The following SNTG1 variants were observed in gnomAD, a reference collection of about 807,000 sequenced individuals.
SNTG1 encodes syntrophin gamma 1.
A neutral mutation model predicts 74.7 loss-of-function variants in SNTG1; 39 were observed. That is an observed-to-expected ratio of 0.52 (90% CI 0.40 to 0.68). The LOEUF is 0.68. SNTG1 is among the 30% of genes least tolerant of loss of function. The probability of loss-of-function intolerance (pLI) is 0.00; values close to 1 mark genes in which losing one functional copy is unlikely to be tolerated. For missense variants in SNTG1, 685 were observed against 609.5 expected (o/e 1.12, Z -1.30); for synonymous variants, 254 against 217.1 (o/e 1.17, Z -1.49).
chr8:50,346,511 T>G (rs2091481476), intron 2 of SNTG1, among the ~76,000 whole-genome samples: 1 of 152,224 alleles, frequency 6.6e-6, no homozygotes, highest in Admixed American at 6.5e-5. Flanking sequence ...AACTCCACAA[T>G]GGCCTCCTAG....
intron 9 of SNTG1, among the ~76,000 whole-genome samples, chr8:50,524,716 GC>G (rs1204240116): frequency 6.6e-6 from 1 of 152,022 alleles, no homozygotes; most frequent in Non-Finnish European, 1.5e-5. Flanking sequence ...GGTATTATAT[GC>G]AATCTGGAGA....
intron 13 of SNTG1, among the ~76,000 whole-genome samples, chr8:50,655,502 A>G (rs1585975874): frequency 6.6e-6 from 1 of 152,224 alleles, no homozygotes; most frequent in Non-Finnish European, 1.5e-5. Context: ...AGAGCAAGGC[A>G]TCTTGGTTCA....
intron 15 of SNTG1, among the ~76,000 whole-genome samples, chr8:50,695,712 G>T (rs541951687): frequency 7.9e-4 from 120 of 151,692 alleles, no homozygotes; most frequent in African/African-American, 2.9e-3. Context: ...TATAAGTAAG[G>T]ATCTACAGTA....
At chr8:50,073,536 G>A (rs1020716323) in intron 1 of SNTG1, among the ~76,000 whole-genome samples, 4 of 152,064 alleles carry the variant, frequency 2.6e-5, no homozygotes, top group Non-Finnish European at 4.4e-5. Context: ...CATGAGTTCT[G>A]AATGTTATTA....
intron 2 of SNTG1, among the ~76,000 whole-genome samples, chr8:50,268,998 G>A (rs2087631226): frequency 6.6e-6 from 1 of 152,072 alleles, no homozygotes; most frequent in South Asian, 2.1e-4. Context: ...TTTTATGGAA[G>A]GTAGGGTGGC....
chr8:50,372,295 C>T lies in SNTG1; in HGVS notation c.-27-21917C>T, dbSNP rs553605305. On this transcript the variant is annotated intron_variant, in intron 2 of 18. Transcript: ENST00000642720. ...TGCATCTTCTATAGTTATTTTTTTT[C>T]GGGTTACCATGGATCTAACATAAAA... Among the ~76,000 whole-genome samples the T allele has an allele frequency of 4.2e-4, 64 of 150,616 alleles. 1 individual carries two copies. The East Asian group carries it at 0.011, about 26-fold the overall frequency.
At chr8:50,536,539 A>G in intron 10 of SNTG1, 139 bp from the exon 11 acceptor site, 2 of 968,448 alleles carry the variant, frequency 2.1e-6, no homozygotes, top group South Asian at 1.8e-5. Flanking sequence ...CATAATTTGG[A>G]CTTCTTCTCA....
chr8:49,983,507 G>A (rs318908), intron 1 of SNTG1, among the ~76,000 whole-genome samples: 133,931 of 152,258 alleles, frequency 0.88, 59,086 homozygotes, highest in East Asian at 1. Context: ...AAATAATCTC[G>A]TTTGCTTTTT....
chr8:50,779,088 C>T (rs1249152442), intron 18 of SNTG1, among the ~76,000 whole-genome samples: 2 of 152,068 alleles, frequency 1.3e-5, no homozygotes, highest in African/African-American at 4.8e-5. Context: ...CAGTACCATG[C>T]TGTTTTGGTT....
intron 1 of SNTG1, among the ~76,000 whole-genome samples, chr8:50,021,343 A>T (rs998593704): frequency 4.6e-5 from 7 of 152,140 alleles, no homozygotes; most frequent in African/African-American, 1.7e-4. Flanking sequence ...GTCTGTTGTC[A>T]CAGCTGGTAC....
intron 4 of SNTG1, among the ~76,000 whole-genome samples, chr8:50,432,561 G>C (rs923317608): frequency 6.6e-6 from 1 of 151,904 alleles, no homozygotes; most frequent in Non-Finnish European, 1.5e-5. Flanking sequence ...AGCTTGCTGG[G>C]ATTTTTATTG....
At chr8:50,282,006 A>C (rs1471492708) in intron 2 of SNTG1, among the ~76,000 whole-genome samples, 4 of 152,170 alleles carry the variant, frequency 2.6e-5, no homozygotes, top group Non-Finnish European at 5.9e-5. Flanking sequence ...GCCATTTTAA[A>C]GTTCACCTTG....
chr8:50,043,641 C>T (rs113578220), intron 1 of SNTG1, among the ~76,000 whole-genome samples: 3 of 152,166 alleles, frequency 2.0e-5, no homozygotes, highest in African/African-American at 7.2e-5. Flanking sequence ...ATGTTTGACT[C>T]GCACCCAGGC....
At chr8:50,526,059 A>G (rs749169737) in intron 9 of SNTG1, among the ~76,000 whole-genome samples, 11 of 152,118 alleles carry the variant, frequency 7.2e-5, no homozygotes, top group Non-Finnish European at 1.6e-4. Flanking sequence ...TGGGCATGTA[A>G]TATCCCAAAA....
At chr8:50,580,845 T>C (rs1242417617) in intron 12 of SNTG1, among the ~76,000 whole-genome samples, 6 of 152,064 alleles carry the variant, frequency 3.9e-5, no homozygotes, top group Non-Finnish European at 5.9e-5. Context: ...AGAGTGGGCC[T>C]GGGGAGAGTG....
chr8:50,156,401 C>T (rs369292647), intron 1 of SNTG1, among the ~76,000 whole-genome samples: 1 of 151,882 alleles, frequency 6.6e-6, no homozygotes. Flanking sequence ...ATTGTCAGAT[C>T]TCATTGAGCA....
In SNTG1 at chr8:50,796,592, T is replaced by C. The variant is rs1802821534; in HGVS notation, c.*3763T>C. 1 of 151,986 alleles carries C rather than the reference T, an allele frequency of 6.6e-6. No individual in the cohort carries two copies. The allele number at this position is 151,986 out of a possible 1,614,324, so 9.4% of individuals were successfully genotyped here. A position where few individuals can be genotyped will look rare whatever the true frequency, so the allele number is the denominator to read the frequency against. On this transcript the variant is annotated 3_prime_UTR_variant, in exon 19 of 19. Transcript: ENST00000642720. Reference sequence around the variant, plus strand: ...TGTAAATTAATATCTGTGACAAAAATTTGTCACTTCATTCTTTCAGTTCAT... The same window carrying C: ...TGTAAATTAATATCTGTGACAAAAACTTGTCACTTCATTCTTTCAGTTCAT...
At chr8:50,437,626 G>C (rs1282710072) in intron 4 of SNTG1, among the ~76,000 whole-genome samples, 2 of 152,116 alleles carry the variant, frequency 1.3e-5, no homozygotes, top group Non-Finnish European at 2.9e-5. Flanking sequence ...GAGATATAGG[G>C]ACCAGATAAC....
intron 2 of SNTG1, among the ~76,000 whole-genome samples, chr8:50,230,134 G>A (rs1300832853): frequency 6.6e-6 from 1 of 151,510 alleles, no homozygotes; most frequent in East Asian, 1.9e-4. Flanking sequence ...AAGAAGATCT[G>A]AAACAATAAT....
Sources: allele counts gnomAD v4.1 joint callset (sites outside exome capture counted in the v4.1 genomes callset), GRCh38; gene constraint gnomAD v4.1.1; transcripts MANE v1.5; gene names NCBI Gene and HGNC (gene_info 2026-07-23, HGNC 2026-07-21).